The following TBC1D4 variants were observed in gnomAD, a reference collection of about 807,000 sequenced individuals.
TBC1D4 encodes the protein TBC1 domain family member 4.
Under a neutral mutation model 142.5 loss-of-function variants are expected in TBC1D4, and 121 were observed. That is an observed-to-expected ratio of 0.85 (90% CI 0.73 to 0.99). TBC1D4 has a LOEUF of 0.99. Ranked by LOEUF, TBC1D4 falls within the 50% of genes least tolerant of loss-of-function variation. The probability of loss-of-function intolerance (pLI) is 0.00; values close to 1 mark genes in which losing one functional copy is unlikely to be tolerated. For synonymous variants in TBC1D4, 630 were observed against 628.2 expected, an observed-to-expected ratio of 1.00 and a Z score of -0.04; for missense variants, 1,475 against 1,606.6, an observed-to-expected ratio of 0.92 and a Z score of 1.40.
intron 8 of TBC1D4, among the ~76,000 whole-genome samples, chr13:75,329,376 ACCAT>A (rs1484407275): frequency 1.3e-5 from 2 of 150,706 alleles, no homozygotes; most frequent in Non-Finnish European, 3.0e-5. Flanking sequence ...CACCACACCA[ACCAT>A]CAATTACCCT....
rs1882651570 is a variant in TBC1D4 at position 75,362,891 on chromosome 13, C to A, written c.499-284G>T. Among the ~76,000 whole-genome samples, 1 of 152,162 alleles carries A rather than the reference C, an allele frequency of 6.6e-6. No homozygotes were observed. Among genetic ancestry groups the A allele is most frequent in the South Asian group, 2.1e-4 (1 of 4,830 alleles). On this transcript the variant is annotated intron_variant, in intron 1 of 20. Transcript: ENST00000377636. The surrounding 1 kb of genome is among the most constrained non-coding windows in gnomAD (Gnocchi z 4.2). ...ATGAAACTATATAAGCCACTGCCAA[C>A]CTATTATGTCATAATATGTCTTTTG...
At chr13:75,383,865 G>T (rs6562889) in intron 1 of TBC1D4, among the ~76,000 whole-genome samples, 150,756 of 152,202 alleles carry the variant, frequency 0.99, 74,681 homozygotes, top group Middle Eastern at 1. Context: ...ATTCCTTGCT[G>T]AGCACTCATT....
rs72187869 is a variant in TBC1D4 at position 75,297,757 on chromosome 13, C to CA, written c.3156+1572dup. 9.7e-3 allele frequency among the ~76,000 whole-genome samples: 778 copies of CA among 79,868 alleles called. 1 individual carries two copies. Among genetic ancestry groups the CA allele is most frequent in the Admixed American group, 0.025 (192 of 7,588 alleles). The allele number at this position is 79,868 out of a possible 152,430, so 52.4% of individuals were successfully genotyped here. A position where few individuals can be genotyped will look rare whatever the true frequency, so the allele number is the denominator to read the frequency against. On this transcript the variant is annotated intron_variant, in intron 17 of 20. Transcript: ENST00000377636. ...GGGTGACAGAGCAAGACTCCGTCTC[C>CA]AAAAAAAAAAAAAACGATAAAAAGA... is the stretch of plus-strand genomic sequence containing the variant.
intron 1 of TBC1D4, among the ~76,000 whole-genome samples, chr13:75,382,763 A>G (rs1041606558): frequency 1.3e-5 from 2 of 152,222 alleles, no homozygotes; most frequent in South Asian, 2.1e-4. Flanking sequence ...TGCAGAGTCA[A>G]TTTCAAGGAC....
intron 15 of TBC1D4, among the ~76,000 whole-genome samples, chr13:75,303,895 C>G: frequency 6.6e-6 from 1 of 152,152 alleles, no homozygotes; most frequent in Non-Finnish European, 1.5e-5. Flanking sequence ...CTTGACTTCC[C>G]ATTGTACGTC....
intron 1 of TBC1D4, among the ~76,000 whole-genome samples, chr13:75,473,504 T>C (rs1182981652): frequency 1.3e-5 from 2 of 152,212 alleles, no homozygotes; most frequent in Admixed American, 1.3e-4. Context: ...TGGTCCTAAC[T>C]TAGAGAATTT....
chr13:75,288,752 T>C (rs1001976039), intron 20 of TBC1D4, among the ~76,000 whole-genome samples, 182 bp downstream of exon 20: 3 of 152,200 alleles, frequency 2.0e-5, no homozygotes, highest in Admixed American at 6.5e-5. Flanking sequence ...GGGTGCATTT[T>C]TTTCCAAGTA....
At chr13:75,441,256 A>G (rs1364334090) in intron 1 of TBC1D4, among the ~76,000 whole-genome samples, 1 of 152,116 alleles carries the variant, frequency 6.6e-6, no homozygotes, top group Admixed American at 6.6e-5. Context: ...ACTCTGTCTC[A>G]AAAAACAAGG....
rs1361672241 is a variant in TBC1D4, at chr13:75,408,426, G to T, written c.499-45819C>A. On this transcript the variant is annotated intron_variant, in intron 1 of 20. Coordinates refer to ENST00000377636, the MANE Select transcript of TBC1D4 (RefSeq NM_014832.5). Reference sequence around the variant, plus strand: ...GCTGCAATGAAAATTCACATACGAGGGTTATTTTTGGTATAAATCTAGGGG... The same window carrying T: ...GCTGCAATGAAAATTCACATACGAGTGTTATTTTTGGTATAAATCTAGGGG... Among the ~76,000 whole-genome samples, 2 of 152,110 alleles carry T rather than the reference G, an allele frequency of 1.3e-5. 1 individual carries two copies. The highest frequency in any genetic ancestry group is 3.8e-4 in the East Asian group (2 of 5,206).
At chr13:75,320,867 C>CAAAAAA (rs148657060) in intron 11 of TBC1D4, among the ~76,000 whole-genome samples, 17 of 84,366 alleles carry the variant, frequency 2.0e-4, no homozygotes, top group Non-Finnish European at 3.2e-4. Context: ...ACTAAAAATA[C>CAAAAAA]AAAAAAAAAA....
intron 1 of TBC1D4, among the ~76,000 whole-genome samples, chr13:75,400,577 C>T (rs9318343): frequency 0.99 from 149,927 of 150,700 alleles, 74,584 homozygotes; most frequent in Middle Eastern, 1. Flanking sequence ...CCTGCCTCAG[C>T]CTCCCAAGTA....
chr13:75,402,901 A>G (rs1046706601), intron 1 of TBC1D4, among the ~76,000 whole-genome samples: 8 of 152,232 alleles, frequency 5.3e-5, no homozygotes, highest in Non-Finnish European at 1.2e-4. Context: ...AGTTACATAC[A>G]CAAGGTGTCT....
intron 8 of TBC1D4, among the ~76,000 whole-genome samples, chr13:75,328,865 A>C (rs1307169752): frequency 6.6e-6 from 1 of 152,206 alleles, no homozygotes; most frequent in Non-Finnish European, 1.5e-5. Flanking sequence ...ATCAGCACAA[A>C]GTTTCAAAAG....
At chr13:75,328,767 C>T (rs891302860) in intron 8 of TBC1D4, among the ~76,000 whole-genome samples, 1 of 152,128 alleles carries the variant, frequency 6.6e-6, no homozygotes, top group Non-Finnish European at 1.5e-5. Context: ...ACTTTCCAGG[C>T]TTCGACTCTG....
At position 75,362,192 on chromosome 13, in the gene TBC1D4, C is replaced by G. The variant is rs200840673; in HGVS notation, c.914G>C (p.Gly305Ala). 2.6e-4 allele frequency: 415 copies of G among 1,613,814 alleles called. 1 individual carries two copies. The African/African-American group carries it at 5.1e-3, about 20-fold the overall frequency. ...CCGAAACTCCTGCTGCTCATCAAAG[C>G]CAGAATCTTCCAAAATCCGCTCAGG... ...CFPERILEDS[G>A]FDEQQEFRSR... is the part of the protein sequence containing the mutation. Residue 305 changes from glycine to alanine, a missense_variant, in exon 2 of 21, where the codon GGC becomes GCC. Gly to Ala is a moderately conservative substitution (Grantham distance 60). This residue lies in a region of TBC1D4 where 1,227 missense variants were observed against 1,267.7 expected (regional missense o/e 0.97). Transcript: ENST00000377636. This position sits in a 1 kb window ranked among gnomAD's most constrained non-coding sequence, Gnocchi z 4.2.
chr13:75,378,844 C>T (rs990725476), intron 1 of TBC1D4, among the ~76,000 whole-genome samples: 1 of 152,092 alleles, frequency 6.6e-6, no homozygotes, highest in Admixed American at 6.5e-5. Context: ...AAATACATAT[C>T]CAGCTGAAGA....
intron 1 of TBC1D4, among the ~76,000 whole-genome samples, chr13:75,433,405 A>G (rs1886668132): frequency 1.3e-5 from 2 of 152,160 alleles, no homozygotes; most frequent in Admixed American, 1.3e-4. Flanking sequence ...GCCCTAATAT[A>G]TCTACCCAAA....
At chr13:75,346,514 A>G (rs975114649) in intron 5 of TBC1D4, among the ~76,000 whole-genome samples, 6 of 152,200 alleles carry the variant, frequency 3.9e-5, no homozygotes, top group Middle Eastern at 3.2e-3. Context: ...TCCACGGTGT[A>G]TATGTGCTAC....
At chr13:75,386,390 T>TC (rs1566448898) in intron 1 of TBC1D4, among the ~76,000 whole-genome samples, 3 of 147,282 alleles carry the variant, frequency 2.0e-5, no homozygotes, top group Non-Finnish European at 1.5e-5. Flanking sequence ...CTTTTTCTTT[T>TC]TCTTTTTTTT....
Sources: gnomAD v4.1 joint callset for allele counts (sites outside exome capture counted in the v4.1 genomes callset) on GRCh38, gnomAD v4.1.1 for gene constraint, gnomAD v4.1.1 regional missense constraint, Gnocchi (gnomAD v3.1) non-coding constraint, MANE v1.5 for transcripts, NCBI Gene and HGNC (gene_info 2026-07-23, HGNC 2026-07-21) for gene names.